The following WDR62 variants were observed in gnomAD, a reference collection of about 807,000 sequenced individuals.
WDR62 encodes the protein WD repeat domain 62.
A neutral mutation model predicts 160.6 loss-of-function variants in WDR62; 112 were observed. That is an observed-to-expected ratio of 0.70 (90% CI 0.60 to 0.82). WDR62 has a LOEUF of 0.82. Ranked by LOEUF, WDR62 falls within the 40% of genes least tolerant of loss-of-function variation. The pLI is 0.00. For missense variants in WDR62, 1,819 were observed against 1,983.8 expected (o/e 0.92, Z 1.58); for synonymous variants, 792 against 815.1 (o/e 0.97, Z 0.48).
At chr19:36,086,563 G>C in intron 12 of WDR62, 124 bp from the exon 13 acceptor site, 1 of 1,277,670 alleles carries the variant, frequency 7.8e-7, no homozygotes, top group Non-Finnish European at 1.1e-6. Flanking sequence ...GGGCCAAGTT[G>C]GCTACAGTTG....
Position 36,101,684 on chromosome 19 carries a change from G to C in WDR62, c.2992G>C (p.Asp998His), listed in dbSNP as rs958154255. Residue 998 changes from aspartate to histidine, a missense_variant, in exon 25 of 32, where the codon GAC becomes CAC. Transcript: ENST00000401500. ...PPEDSGESEA[D>H]LECSFAAIHS... ...TTCAGACTCGGGGGAGTCAGAGGCC[G>C]ACCTGGAGTGCAGCTTCGCAGCCAT... 3.4e-5 allele frequency: 52 copies of C among 1,550,892 alleles called. No individual in the cohort carries two copies. The highest frequency in any genetic ancestry group is 4.4e-5 in the Non-Finnish European group (51 of 1,146,978).
intron 9 of WDR62, among the ~76,000 whole-genome samples, chr19:36,078,833 CAAA>C (rs748116998): frequency 1.5e-5 from 1 of 65,348 alleles, no homozygotes; most frequent in Non-Finnish European, 3.2e-5. Flanking sequence ...GAGACTCTGT[CAAA>C]AAAAAAAAAA....
chr19:36,092,789 A>G lies in WDR62; in HGVS notation c.2311A>G (p.Lys771Glu). Residue 771 changes from lysine to glutamate, a missense_variant, in exon 19 of 32, where the codon AAG becomes GAG. Coordinates refer to ENST00000401500, the MANE Select transcript of WDR62 (RefSeq NM_001083961.2). ...GCAGCAGCAGCAGCACACAAATGAC[A>G]AGAAGCGGAGTGGCCACCCCAGGTC... ...HRQQQQHTND[K>E]KRSGHPRQDT... The G allele has an allele frequency of 6.2e-7, 1 of 1,614,050 alleles. No individual in the cohort carries two copies. Among genetic ancestry groups the G allele is most frequent in the Non-Finnish European group, 8.5e-7 (1 of 1,179,966 alleles).
chr19:36,067,561 C>T (rs1006130610), intron 6 of WDR62, 118 bp downstream of exon 6: 70 of 1,444,006 alleles, frequency 4.8e-5, no homozygotes, highest in Non-Finnish European at 7.7e-6. Flanking sequence ...TTTGGCCTCT[C>T]AGGGGCCCAG....
chr19:36,080,566 C>G (rs1971837707), intron 9 of WDR62, among the ~76,000 whole-genome samples: 1 of 152,030 alleles, frequency 6.6e-6, no homozygotes, highest in East Asian at 1.9e-4. Context: ...TCAAGCAATT[C>G]TGCTGCCTCA....
At chr19:36,110,834 G>A in the WDR62 span, among the ~76,000 whole-genome samples, 1 of 152,274 alleles carries the variant, frequency 6.6e-6, no homozygotes, top group Admixed American at 6.5e-5. Context: ...CCTGGTGACT[G>A]ATTTGCCTGG....
downstream of WDR62, among the ~76,000 whole-genome samples, chr19:36,107,011 G>A (rs574937738): frequency 7.9e-5 from 12 of 152,174 alleles, no homozygotes; most frequent in Middle Eastern, 6.8e-3. Context: ...CCCAGGCCTC[G>A]GACACCCAGG....
downstream of WDR62, among the ~76,000 whole-genome samples, chr19:36,105,806 C>A (rs1458587877): frequency 6.6e-6 from 1 of 152,118 alleles, no homozygotes; most frequent in East Asian, 1.9e-4. Flanking sequence ...TCAAGCGATT[C>A]TCCTGCCTCA....
rs1017238915 is a variant in WDR62 at position 36,067,588 on chromosome 19, T to A, written c.699+145T>A. ...GGGGCCCAGCTGCTGCTTCTGGGCC[T>A]ACTCTCAGGGTGCTGATGCACAGGC... On this transcript the variant is annotated intron_variant, in intron 6 of 31. Coordinates refer to ENST00000401500, the MANE Select transcript of WDR62 (RefSeq NM_001083961.2). 10 of 1,286,952 alleles carry A rather than the reference T, an allele frequency of 7.8e-6. No individual in the cohort carries two copies. The African/African-American group carries it at 1.3e-4, about 17-fold the overall frequency. 79.7% of individuals were successfully genotyped at this position (1,286,952 alleles called of 1,614,324 possible).
Position 36,104,641 on chromosome 19 carries a change from C to A in WDR62, c.4277C>A (p.Thr1426Asn). ...GGGAACATCTTGCACAGGCTGCAGA[C>A]CACCTTCCAAGAAGCCCTCGACCTT... ...RVGNILHRLQ[T>N]TFQEALDLYR... The change falls in exon 31 of 32, where the codon ACC becomes AAC. Residue 1426 changes from threonine to asparagine, a missense_variant. By Grantham distance (65) the Thr-to-Asn change is moderately conservative. This residue lies in a region of WDR62 where 770 missense variants were observed against 734.2 expected (regional missense o/e 1.05). Coordinates refer to ENST00000401500, the MANE Select transcript of WDR62 (RefSeq NM_001083961.2). The A allele has an allele frequency of 3.1e-6, 5 of 1,614,118 alleles. No individual in the cohort carries two copies. Among genetic ancestry groups the A allele is most frequent in the Non-Finnish European group, 4.2e-6 (5 of 1,180,040 alleles).
chr19:36,094,278 G>T, intron 20 of WDR62, 114 bp downstream of exon 20: 2 of 1,381,064 alleles, frequency 1.4e-6, no homozygotes, highest in South Asian at 1.2e-5. Context: ...AGTCGACAGG[G>T]TGCGGTGGCT....
intron 5 of WDR62, 124 bp downstream of exon 5, chr19:36,066,551 A>G (rs1970953855): frequency 9.4e-6 from 10 of 1,058,520 alleles, no homozygotes; most frequent in South Asian, 5.6e-5. Context: ...GATAACAGCT[A>G]TTGAGCACCT....
intron 3 of WDR62, chr19:36,061,391 C>T (rs1970637809): frequency 6.6e-6 from 1 of 152,198 alleles, no homozygotes; most frequent in Non-Finnish European, 1.5e-5. Flanking sequence ...CAGCTACAAA[C>T]CAGAGTCACA....
At chr19:36,060,098 C>A in intron 3 of WDR62, 68 bp downstream of exon 3, 1 of 1,490,752 alleles carries the variant, frequency 6.7e-7, no homozygotes, top group Non-Finnish European at 9.4e-7. Context: ...CTCCCCTACA[C>A]AGCCTGGAGA....
chr19:36,102,085 C>T lies in WDR62; in HGVS notation c.3154C>T (p.Gln1052Ter), dbSNP rs1334229332. 1.9e-6 allele frequency: 3 copies of T among 1,614,078 alleles called. No homozygotes were observed. Among genetic ancestry groups the T allele is most frequent in the Non-Finnish European group, 2.5e-6 (3 of 1,180,046 alleles). The change falls in exon 26 of 32, where the codon CAG (glutamine) becomes TAG (stop). Residue 1052 changes from glutamine to a stop codon, truncating the protein, a stop_gained. Coordinates refer to ENST00000401500, the MANE Select transcript of WDR62 (RefSeq NM_001083961.2). LOFTEE classifies it high-confidence loss of function. Reference sequence around the variant, plus strand: ...CAGCGTCCCCAGCAGCTCCCTACCCCAGACTCCGGAGCAGGAGAAGTTCCT... The same window carrying T: ...CAGCGTCCCCAGCAGCTCCCTACCCTAGACTCCGGAGCAGGAGAAGTTCCT... ...GPSVPSSSLPQTPEQEKFLRH... is the reference protein window; with the variant it reads ...GPSVPSSSLP
intron 19 of WDR62, 121 bp from the exon 20 acceptor site, chr19:36,093,910 T>C: frequency 1.6e-6 from 2 of 1,272,420 alleles, no homozygotes; most frequent in South Asian, 2.4e-5. Flanking sequence ...CAGCACCATC[T>C]TGACCAGCAG....
intron 13 of WDR62, among the ~76,000 whole-genome samples, chr19:36,088,003 C>A (rs1009472929): frequency 6.6e-6 from 1 of 152,162 alleles, no homozygotes; most frequent in Non-Finnish European, 1.5e-5. Flanking sequence ...CAGAACATTA[C>A]CAGAGGCTTG....
intron 21 of WDR62, among the ~76,000 whole-genome samples, chr19:36,097,633 C>T (rs1973053587): frequency 6.6e-6 from 1 of 152,110 alleles, no homozygotes; most frequent in South Asian, 2.1e-4. Context: ...CCTGTGATCC[C>T]AGCACTTTGG....
At chr19:36,062,642 TC>T in intron 3 of WDR62, 1 of 79,584 alleles carries the variant, frequency 1.3e-5, no homozygotes, top group Non-Finnish European at 2.1e-5. Flanking sequence ...AGAGCAAGAG[TC>T]CGTCTCAAAA....
Sources: gnomAD v4.1 joint callset for allele counts (sites outside exome capture counted in the v4.1 genomes callset) on GRCh38, gnomAD v4.1.1 for gene constraint, gnomAD v4.1.1 regional missense constraint, MANE v1.5 for transcripts, NCBI Gene and HGNC (gene_info 2026-07-23, HGNC 2026-07-21) for gene names.